Variants in PLCXD3 observed in about 807,000 individuals in gnomAD.
PLCXD3 encodes the protein PI-PLC X domain-containing protein 3.
PLCXD3 carries 19 observed loss-of-function variants against 25.5 expected under a neutral mutation model. The observed-to-expected ratio is 0.75, with a 90% CI of 0.52 to 1.09. The LOEUF is 1.09. Ranked by LOEUF, PLCXD3 falls within the 50% of genes least tolerant of loss-of-function variation. The probability of loss-of-function intolerance (pLI) is 0.00; values close to 1 mark genes in which losing one functional copy is unlikely to be tolerated. For missense variants in PLCXD3, 411 were observed against 388.1 expected, an observed-to-expected ratio of 1.06 and a Z score of -0.50; for synonymous variants, 174 against 137.6, an observed-to-expected ratio of 1.26 and a Z score of -1.85.
rs1430953984 is a variant in PLCXD3, at chr5:41,440,215, A to T, written c.104-57681T>A. On this transcript the variant is annotated intron_variant, in intron 1 of 2. Coordinates refer to ENST00000377801, the MANE Select transcript of PLCXD3 (RefSeq NM_001005473.3). ...TCTGAGCAAATTACATAATCTCTCAATTTTTTTTTTTTTTTTTTTTTTTTT... is the reference window on the plus strand; with the variant it reads ...TCTGAGCAAATTACATAATCTCTCATTTTTTTTTTTTTTTTTTTTTTTTTT... 7.3e-4 allele frequency among the ~76,000 whole-genome samples: 30 copies of T among 41,070 alleles called. 1 individual carries two copies. The highest frequency in any genetic ancestry group is 2.8e-3 in the African/African-American group (27 of 9,602). The allele number at this position is 41,070 out of a possible 152,430, so 26.9% of individuals were successfully genotyped here. A position where few individuals can be genotyped will look rare whatever the true frequency, so the allele number is the denominator to read the frequency against.
chr5:41,444,044 A>T (rs569753691), intron 1 of PLCXD3, among the ~76,000 whole-genome samples: 2 of 152,280 alleles, frequency 1.3e-5, no homozygotes, highest in East Asian at 3.9e-4. Context: ...CTTTCTTCTC[A>T]GGTGTTTTTT....
At chr5:41,400,953 A>G (rs1260189381) in intron 1 of PLCXD3, among the ~76,000 whole-genome samples, 1 of 152,014 alleles carries the variant, frequency 6.6e-6, no homozygotes, top group South Asian at 2.1e-4. Flanking sequence ...CATCTCATGT[A>G]CCCCATAAAT....
intron 1 of PLCXD3, among the ~76,000 whole-genome samples, chr5:41,467,001 G>A (rs143739332): frequency 2.0e-5 from 3 of 152,124 alleles, no homozygotes; most frequent in African/African-American, 7.2e-5. Context: ...TATTGTGAAT[G>A]GTGCTGCAAT....
intron 1 of PLCXD3, among the ~76,000 whole-genome samples, chr5:41,436,288 C>T (rs909967465): frequency 6.6e-6 from 1 of 151,904 alleles, no homozygotes; most frequent in Non-Finnish European, 1.5e-5. Context: ...TGTATTGATA[C>T]AAAGCAAGTT....
chr5:41,358,617 G>C (rs1744686127), intron 2 of PLCXD3, among the ~76,000 whole-genome samples: 1 of 152,172 alleles, frequency 6.6e-6, no homozygotes, highest in Non-Finnish European at 1.5e-5. Flanking sequence ...ATCCAGGCTG[G>C]TACGGATGCC....
intron 1 of PLCXD3, among the ~76,000 whole-genome samples, chr5:41,495,406 C>G (rs1249783474): frequency 6.6e-6 from 1 of 152,190 alleles, no homozygotes; most frequent in Non-Finnish European, 1.5e-5. Context: ...AGTTCAGCAG[C>G]CTCTCCCTCA....
chr5:41,421,564 G>C (rs969554365), intron 1 of PLCXD3, among the ~76,000 whole-genome samples: 37 of 152,284 alleles, frequency 2.4e-4, no homozygotes, highest in African/African-American at 8.4e-4. Flanking sequence ...AACCGGGCGC[G>C]GTGGCGGGGG....
At chr5:41,358,915 T>TTCAA (rs1744694615) in intron 2 of PLCXD3, among the ~76,000 whole-genome samples, 1 of 152,204 alleles carries the variant, frequency 6.6e-6, no homozygotes, top group African/African-American at 2.4e-5. Context: ...TGCTGAGGGT[T>TTCAA]TCAATCATAA....
chr5:41,494,373 T>C (rs1748789113), intron 1 of PLCXD3, among the ~76,000 whole-genome samples: 1 of 152,228 alleles, frequency 6.6e-6, no homozygotes, highest in Non-Finnish European at 1.5e-5. Context: ...GAGATGGCAG[T>C]GGCCACATTA....
chr5:41,408,889 G>T (rs2150502490), intron 1 of PLCXD3, among the ~76,000 whole-genome samples: 1 of 152,288 alleles, frequency 6.6e-6, no homozygotes, highest in East Asian at 1.9e-4. Flanking sequence ...TAAGAAAGAT[G>T]GGGGAGGAAA....
intron 2 of PLCXD3, among the ~76,000 whole-genome samples, chr5:41,318,460 A>C (rs1743365024): frequency 6.6e-6 from 1 of 152,202 alleles, no homozygotes. Flanking sequence ...GATGAAGTTA[A>C]GGCGTATTTT....
At chr5:41,406,712 T>A (rs988066025) in intron 1 of PLCXD3, among the ~76,000 whole-genome samples, 1 of 152,190 alleles carries the variant, frequency 6.6e-6, no homozygotes, top group Non-Finnish European at 1.5e-5. Context: ...CAGGTACTGC[T>A]TTGATTCAAT....
At chr5:41,417,843 G>A (rs1303238456) in intron 1 of PLCXD3, among the ~76,000 whole-genome samples, 1 of 152,222 alleles carries the variant, frequency 6.6e-6, no homozygotes, top group Non-Finnish European at 1.5e-5. Flanking sequence ...GGGCCTGAGG[G>A]GGTGTCTATG....
chr5:41,494,036 G>A (rs1481183505), intron 1 of PLCXD3, among the ~76,000 whole-genome samples: 2 of 152,184 alleles, frequency 1.3e-5, no homozygotes, highest in Admixed American at 6.5e-5. Context: ...CGTTGCTCAC[G>A]CTGGGAGCTG....
intron 2 of PLCXD3, among the ~76,000 whole-genome samples, chr5:41,376,320 C>T (rs1160069881): frequency 6.6e-6 from 1 of 152,056 alleles, no homozygotes; most frequent in African/African-American, 2.4e-5. Flanking sequence ...GCTGGCATGC[C>T]ACTCTGTTTC....
chr5:41,405,361 T>C (rs528524057), intron 1 of PLCXD3, among the ~76,000 whole-genome samples: 1 of 152,270 alleles, frequency 6.6e-6, no homozygotes, highest in South Asian at 2.1e-4. Context: ...ATGTATTTCC[T>C]CCTTTGTACC....
chr5:41,372,412 C>T (rs1162410337), intron 2 of PLCXD3, among the ~76,000 whole-genome samples: 1 of 151,704 alleles, frequency 6.6e-6, no homozygotes, highest in Non-Finnish European at 1.5e-5. Flanking sequence ...TTTAACCTCT[C>T]TAAAACTGTG....
chr5:41,373,583 C>G (rs1745191640), intron 2 of PLCXD3, among the ~76,000 whole-genome samples: 1 of 152,112 alleles, frequency 6.6e-6, no homozygotes, highest in African/African-American at 2.4e-5. Context: ...ATGGAACGGC[C>G]AGCCCGCAGG....
rs530622298 is a variant in PLCXD3, at chr5:41,500,304, G to T, written c.103+10120C>A. The stretch of plus-strand genomic sequence containing the variant: ...GAATGGAAGTAGAGGTCACATTATC[G>T]TAAGTGAAACAAGCCAGACACAGAA... On this transcript the variant is annotated intron_variant, in intron 1 of 2. Coordinates refer to ENST00000377801, the MANE Select transcript of PLCXD3 (RefSeq NM_001005473.3). Among the ~76,000 whole-genome samples the T allele has an allele frequency of 4.0e-5, 6 of 151,860 alleles. No homozygotes were observed. In the East Asian group the frequency reaches 1.2e-3, roughly 29 times the overall value.
Sources: gnomAD v4.1 joint callset for allele counts (sites outside exome capture counted in the v4.1 genomes callset) on GRCh38, gnomAD v4.1.1 for gene constraint, MANE v1.5 for transcripts, NCBI Gene and HGNC (gene_info 2026-07-23, HGNC 2026-07-21) for gene names.